The following DIAPH3 variants were observed in gnomAD, a reference collection of about 807,000 sequenced individuals.
DIAPH3 encodes the protein diaphanous related formin 3.
Under a neutral mutation model 144.3 loss-of-function variants are expected in DIAPH3, and 117 were observed. The ratio of observed to expected loss-of-function variants is 0.81; its 90% CI spans 0.70 to 0.95. The LOEUF (loss-of-function observed/expected upper bound fraction) is 0.95. DIAPH3 is among the 40% of genes least tolerant of loss of function. DIAPH3 has a pLI of 0.00. For missense variants in DIAPH3, 1,421 were observed against 1,412.7 expected (o/e 1.01, Z -0.09); for synonymous variants, 519 against 488.9 (o/e 1.06, Z -0.81).
chr13:59,677,287 T>C (rs2138616289), intron 27 of DIAPH3, among the ~76,000 whole-genome samples: 1 of 152,280 alleles, frequency 6.6e-6, no homozygotes, highest in South Asian at 2.1e-4. Flanking sequence ...ATTGTACATT[T>C]TTTTGTGCTT....
chr13:59,733,510 T>C (rs538931264), intron 27 of DIAPH3, among the ~76,000 whole-genome samples: 4 of 152,286 alleles, frequency 2.6e-5, no homozygotes, highest in African/African-American at 9.6e-5. Context: ...AAAAAAGTCC[T>C]TATAAAAGAA....
rs1159598861 is a variant in DIAPH3 at position 60,128,772 on chromosome 13, A to ATTACCTTTTT, written c.213+4175_213+4184dup. ...TCATGAAATCAATTTAGTGGATTCA[A>ATTACCTTTTT]TTACCTTTTTTTTTTTTTTAAGGAA... On this transcript the variant is annotated intron_variant, in intron 2 of 27. Transcript: ENST00000400324. Among the ~76,000 whole-genome samples, 17 of 151,408 alleles carry ATTACCTTTTT rather than the reference A, an allele frequency of 1.1e-4. No individual in the cohort carries two copies. The East Asian group carries it at 2.5e-3, about 22-fold the overall frequency.
At chr13:59,828,865 G>C (rs1357493374) in intron 24 of DIAPH3, among the ~76,000 whole-genome samples, 2 of 151,760 alleles carry the variant, frequency 1.3e-5, no homozygotes, top group African/African-American at 2.4e-5. Context: ...ATTATCTACA[G>C]TCGATTGTTT....
Position 60,040,223 on chromosome 13 carries a change from T to A in DIAPH3, c.626+2467A>T, listed in dbSNP as rs2055543382. 6.6e-5 allele frequency among the ~76,000 whole-genome samples: 4 copies of A among 60,926 alleles called. 1 individual carries two copies. Among genetic ancestry groups the A allele is most frequent in the South Asian group, 1.6e-3 (2 of 1,288 alleles). 40.0% of individuals were successfully genotyped at this position (60,926 alleles called of 152,430 possible). On this transcript the variant is annotated intron_variant, in intron 5 of 27. Transcript: ENST00000400324. ...GCCTGGGCAAAAGAGTGAGACTCCATCTCAAAAAAAAAAAAAAAAAAAAAA... is the reference window on the plus strand; with the variant it reads ...GCCTGGGCAAAAGAGTGAGACTCCAACTCAAAAAAAAAAAAAAAAAAAAAA...
intron 22 of DIAPH3, among the ~76,000 whole-genome samples, chr13:59,847,661 T>C (rs2139826992): frequency 6.6e-6 from 1 of 152,344 alleles, no homozygotes; most frequent in South Asian, 2.1e-4. Flanking sequence ...ATAATGGTTC[T>C]GTGTACATGT....
intron 2 of DIAPH3, among the ~76,000 whole-genome samples, chr13:60,119,764 A>T (rs796945011): frequency 5.5e-4 from 83 of 151,216 alleles, no homozygotes; most frequent in African/African-American, 2.0e-3. Flanking sequence ...AAAAAAAAAA[A>T]AAAAAAAGAA....
At position 60,120,103 on chromosome 13, in the gene DIAPH3, AGTGGG is replaced by A. The variant is rs1490212827; in HGVS notation, c.214-7922_214-7918del. ...AACAGGAATGAATGATTAATTCTAG[AGTGGG>A]GAAAAGTACCTTGAGAGGGGCTTTG... On this transcript the variant is annotated intron_variant, in intron 2 of 27. Coordinates refer to ENST00000400324, the MANE Select transcript of DIAPH3 (RefSeq NM_001042517.2). Among the ~76,000 whole-genome samples, 3 of 152,316 alleles carry A rather than the reference AGTGGG, an allele frequency of 2.0e-5. No homozygotes were observed. In the East Asian group the frequency reaches 5.8e-4, roughly 29 times the overall value.
chr13:60,132,956 C>G lies in DIAPH3; in HGVS notation c.213+1G>C, dbSNP rs774535430. 31 of 1,606,582 alleles carry G rather than the reference C, an allele frequency of 1.9e-5. No individual in the cohort carries two copies. Among genetic ancestry groups the G allele is most frequent in the Admixed American group, 3.3e-5 (2 of 59,800 alleles). On this transcript the variant is annotated splice_donor_variant, in intron 2 of 27. Coordinates refer to ENST00000400324, the MANE Select transcript of DIAPH3 (RefSeq NM_001042517.2). LOFTEE classifies it high-confidence loss of function. ...AAAGGAAAAGTTGAGGATAATCTTACCATATCATCCGTCAGTGTCCTAATA... is the reference window on the plus strand; with the variant it reads ...AAAGGAAAAGTTGAGGATAATCTTAGCATATCATCCGTCAGTGTCCTAATA...
At chr13:59,791,862 T>C (rs1386535225) in intron 25 of DIAPH3, among the ~76,000 whole-genome samples, 1 of 151,962 alleles carries the variant, frequency 6.6e-6, no homozygotes, top group Non-Finnish European at 1.5e-5. Flanking sequence ...AGACCAGGAG[T>C]ATCTGAAAAT....
intron 27 of DIAPH3, among the ~76,000 whole-genome samples, chr13:59,673,881 C>G (rs1009266666): frequency 6.6e-6 from 1 of 152,182 alleles, no homozygotes; most frequent in Non-Finnish European, 1.5e-5. Context: ...CTTCAGGTGT[C>G]TCTCCTTTGG....
chr13:59,813,154 A>G (rs2040578757), intron 24 of DIAPH3, among the ~76,000 whole-genome samples: 1 of 151,956 alleles, frequency 6.6e-6, no homozygotes, highest in African/African-American at 2.4e-5. Flanking sequence ...AAAAAAAAAA[A>G]AGTTTAATCT....
At chr13:60,005,049 G>C (rs2052768979) in intron 9 of DIAPH3, among the ~76,000 whole-genome samples, 1 of 152,090 alleles carries the variant, frequency 6.6e-6, no homozygotes, top group Non-Finnish European at 1.5e-5. Context: ...AGTTTAAAAA[G>C]AAATCAACTC....
intron 4 of DIAPH3, among the ~76,000 whole-genome samples, chr13:60,077,241 G>A (rs548264509): frequency 2.0e-5 from 3 of 151,550 alleles, no homozygotes; most frequent in East Asian, 3.9e-4. Flanking sequence ...AATGCGTAAA[G>A]ATCACGAGCT....
chr13:59,949,181 A>T (rs943332613), intron 17 of DIAPH3, among the ~76,000 whole-genome samples: 1 of 152,120 alleles, frequency 6.6e-6, no homozygotes, highest in Admixed American at 6.5e-5. Context: ...GCTGCTGCGA[A>T]TCTCCTATTT....
intron 27 of DIAPH3, among the ~76,000 whole-genome samples, chr13:59,767,528 T>A (rs940152290): frequency 6.6e-6 from 1 of 151,918 alleles, no homozygotes; most frequent in African/African-American, 2.4e-5. Context: ...AAAACAAAAG[T>A]ACAGAGTTCA....
At chr13:59,804,421 T>A (rs1222329414) in intron 25 of DIAPH3, among the ~76,000 whole-genome samples, 2 of 152,206 alleles carry the variant, frequency 1.3e-5, no homozygotes. Context: ...TGAGAAGACT[T>A]GAGTACTGGC....
chr13:60,132,635 A>G (rs2059173635), intron 2 of DIAPH3, among the ~76,000 whole-genome samples: 1 of 152,086 alleles, frequency 6.6e-6, no homozygotes. Context: ...AAAAGCTGAC[A>G]TGTCTTTGCT....
intron 17 of DIAPH3, among the ~76,000 whole-genome samples, chr13:59,957,332 C>A (rs1435538659): frequency 1.3e-5 from 2 of 152,144 alleles, no homozygotes; most frequent in Non-Finnish European, 2.9e-5. Context: ...GGGTTTTTCC[C>A]ATGCTGTTCT....
intron 17 of DIAPH3, among the ~76,000 whole-genome samples, chr13:59,955,881 T>G (rs1363466122): frequency 6.6e-6 from 1 of 152,180 alleles, no homozygotes; most frequent in Non-Finnish European, 1.5e-5. Flanking sequence ...CTGCTATGTT[T>G]TATCAAAGAG....
Sources: gnomAD v4.1 joint callset for allele counts (sites outside exome capture counted in the v4.1 genomes callset) on GRCh38, gnomAD v4.1.1 for gene constraint, MANE v1.5 for transcripts, NCBI Gene and HGNC (gene_info 2026-07-23, HGNC 2026-07-21) for gene names.